The following NAALADL2 variants were observed in gnomAD, a reference collection of about 807,000 sequenced individuals.
The protein encoded by NAALADL2 is N-acetylated alpha-linked acidic dipeptidase like 2.
NAALADL2 carries 76 observed loss-of-function variants against 87.2 expected under a neutral mutation model. The ratio of observed to expected loss-of-function variants is 0.87; its 90% CI spans 0.72 to 1.05. NAALADL2 has a LOEUF of 1.05. Among genes scored for constraint, NAALADL2 ranks in the 50% least tolerant of loss-of-function variants. NAALADL2 has a pLI of 0.00. For missense variants in NAALADL2, 1,089 were observed against 945.8 expected, an observed-to-expected ratio of 1.15 and a Z score of -1.99; for synonymous variants, 354 against 331.0, an observed-to-expected ratio of 1.07 and a Z score of -0.75.
rs562193536 is a variant in NAALADL2, at chr3:175,290,881, G to A, written c.940-33294G>A. Among the ~76,000 whole-genome samples, 4 of 151,872 alleles carry A rather than the reference G, an allele frequency of 2.6e-5. No individual in the cohort carries two copies. The East Asian group carries it at 7.7e-4, about 29-fold the overall frequency. On this transcript the variant is annotated intron_variant, in intron 4 of 13. Coordinates refer to ENST00000454872, the MANE Select transcript of NAALADL2 (RefSeq NM_207015.3). ...GAAATGTGTATCTTCAGTTTGAATA[G>A]AGAAAGATAATGTGTGTGCGTGTTT...
At chr3:175,077,672 T>C (rs1056947023) in intron 1 of NAALADL2, among the ~76,000 whole-genome samples, 2 of 152,154 alleles carry the variant, frequency 1.3e-5, no homozygotes, top group Non-Finnish European at 2.9e-5. Flanking sequence ...AAATATACTA[T>C]AAATGGCATG....
intron 2 of NAALADL2, among the ~76,000 whole-genome samples, chr3:175,173,321 T>TA (rs113536272): frequency 1.8e-4 from 21 of 115,054 alleles, no homozygotes; most frequent in South Asian, 8.8e-4. Context: ...AATAAATAAA[T>TA]AAATAAATAA....
At chr3:174,696,394 CTTG>C (rs778072231) in intron 2 of NAALADL2, among the ~76,000 whole-genome samples, 8 of 151,718 alleles carry the variant, frequency 5.3e-5, no homozygotes, top group African/African-American at 1.5e-4. Context: ...ATTCATATTT[CTTG>C]TTGTATGAGT....
chr3:175,190,730 A>G (rs1161288540), intron 2 of NAALADL2, among the ~76,000 whole-genome samples: 1 of 152,096 alleles, frequency 6.6e-6, no homozygotes. Context: ...TAATCCCAGC[A>G]CTTTGGGAGG....
chr3:175,350,134 GT>G (rs1464266764), intron 5 of NAALADL2, among the ~76,000 whole-genome samples: 1 of 149,876 alleles, frequency 6.7e-6, no homozygotes, highest in East Asian at 1.9e-4. Context: ...TTGGCAATGT[GT>G]TTTTCCCTTG....
At chr3:175,408,715 A>C (rs1327995038) in intron 5 of NAALADL2, among the ~76,000 whole-genome samples, 1 of 151,534 alleles carries the variant, frequency 6.6e-6, no homozygotes, top group Non-Finnish European at 1.5e-5. Context: ...ACATGTTATC[A>C]TCTCTTTAAT....
In NAALADL2 at chr3:175,492,925, G is replaced by A. The variant is rs571176401; in HGVS notation, c.1653+21167G>A. On this transcript the variant is annotated intron_variant, in intron 9 of 13. Coordinates refer to ENST00000454872, the MANE Select transcript of NAALADL2 (RefSeq NM_207015.3). ...CTTCTAGCTCTTTTCACCATTAAGCGTGTTATAAATATGCTTTTATTTACC... is the reference window on the plus strand; with the variant it reads ...CTTCTAGCTCTTTTCACCATTAAGCATGTTATAAATATGCTTTTATTTACC... Among the ~76,000 whole-genome samples the A allele has an allele frequency of 5.9e-5, 9 of 151,968 alleles. No individual in the cohort carries two copies. The South Asian group carries it at 1.0e-3, about 18-fold the overall frequency.
At chr3:174,682,372 A>G (rs1032888447) in intron 2 of NAALADL2, among the ~76,000 whole-genome samples, 3 of 152,144 alleles carry the variant, frequency 2.0e-5, no homozygotes, top group Admixed American at 1.3e-4. Flanking sequence ...TGGCTTTGCC[A>G]TCTGCTGTTG....
intron 11 of NAALADL2, among the ~76,000 whole-genome samples, chr3:175,710,394 T>C (rs1022297273): frequency 3.3e-5 from 5 of 151,850 alleles, no homozygotes; most frequent in Non-Finnish European, 5.9e-5. Context: ...GAATGGAATA[T>C]TGAACGCAAA....
intron 2 of NAALADL2, among the ~76,000 whole-genome samples, chr3:174,571,294 T>C (rs1441882900): frequency 6.6e-6 from 1 of 152,198 alleles, no homozygotes; most frequent in Non-Finnish European, 1.5e-5. Context: ...TTAGTGAGAC[T>C]ATTGTAACCT....
intron 1 of NAALADL2, among the ~76,000 whole-genome samples, chr3:174,470,083 TAACAC>T (rs1716804387): frequency 1.7e-5 from 2 of 121,204 alleles, no homozygotes; most frequent in African/African-American, 6.2e-5. Context: ...ACAGTGTTCT[TAACAC>T]TACTATATAT....
chr3:174,870,705 C>T (rs887908482), intron 1 of NAALADL2, among the ~76,000 whole-genome samples: 3 of 151,962 alleles, frequency 2.0e-5, no homozygotes, highest in Admixed American at 2.0e-4. Context: ...TTGCAGGTGT[C>T]CACTTTAAAA....
chr3:174,861,352 T>C (rs1372093489), intron 1 of NAALADL2, among the ~76,000 whole-genome samples: 1 of 152,068 alleles, frequency 6.6e-6, no homozygotes. Context: ...ATAAAGGCAA[T>C]GGAATGCCTT....
intron 3 of NAALADL2, among the ~76,000 whole-genome samples, chr3:174,843,767 C>T (rs1333411924): frequency 6.6e-6 from 1 of 151,946 alleles, no homozygotes; most frequent in African/African-American, 2.4e-5. Flanking sequence ...ATTAGCATTT[C>T]CCTGATGAAT....
chr3:174,495,936 C>T (rs894895741), intron 1 of NAALADL2, among the ~76,000 whole-genome samples: 2 of 152,102 alleles, frequency 1.3e-5, no homozygotes, highest in Admixed American at 6.6e-5. Context: ...TTCATACAGC[C>T]ATTGAAATGC....
chr3:174,623,267 C>G (rs1280544207), intron 2 of NAALADL2, among the ~76,000 whole-genome samples: 1 of 152,112 alleles, frequency 6.6e-6, no homozygotes, highest in Non-Finnish European at 1.5e-5. Context: ...GCAATAGCAA[C>G]AGGAAGGGGC....
intron 5 of NAALADL2, among the ~76,000 whole-genome samples, chr3:175,439,803 T>C (rs1719429028): frequency 6.6e-6 from 1 of 151,418 alleles, no homozygotes; most frequent in African/African-American, 2.4e-5. Flanking sequence ...GTTAGATCTA[T>C]AGATTGCAAA....
Position 175,557,570 on chromosome 3 carries a change from T to C in NAALADL2, c.1654-18471T>C, listed in dbSNP as rs374929734. Among the ~76,000 whole-genome samples the C allele has an allele frequency of 2.8e-4, 42 of 152,272 alleles. No homozygotes were observed. In the East Asian group the frequency reaches 7.5e-3, roughly 27 times the overall value. On this transcript the variant is annotated intron_variant, in intron 9 of 13. Coordinates refer to ENST00000454872, the MANE Select transcript of NAALADL2 (RefSeq NM_207015.3). ...CAATCCCCAACTACCGTTCCCAGCC[T>C]CTGGTAACCATCCTTCTACTCTTTA... is the stretch of plus-strand genomic sequence containing the variant.
At chr3:174,934,363 C>A (rs1412498433) in intron 1 of NAALADL2, among the ~76,000 whole-genome samples, 1 of 152,124 alleles carries the variant, frequency 6.6e-6, no homozygotes, top group African/African-American at 2.4e-5. Context: ...GTACTGACAA[C>A]CCTCAGATCT....
Sources: allele counts gnomAD v4.1 joint callset (sites outside exome capture counted in the v4.1 genomes callset), GRCh38; gene constraint gnomAD v4.1.1; transcripts MANE v1.5; gene names NCBI Gene and HGNC (gene_info 2026-07-23, HGNC 2026-07-21).